The following UGGT2 variants were observed in gnomAD, a reference collection of about 807,000 sequenced individuals.
UGGT2 encodes the protein UDP-glucose glycoprotein glucosyltransferase 2.
Under a neutral mutation model 192.1 loss-of-function variants are expected in UGGT2, and 180 were observed. The observed-to-expected ratio is 0.94, with a 90% CI of 0.83 to 1.06. UGGT2 has a LOEUF of 1.06. Among genes scored for constraint, UGGT2 ranks in the 50% least tolerant of loss-of-function variants. The pLI is 0.00. For missense variants in UGGT2, 1,849 were observed against 1,795.7 expected (o/e 1.03, Z -0.54); for synonymous variants, 580 against 591.0 (o/e 0.98, Z 0.27).
At chr13:95,971,881 A>G (rs1305695742) in intron 11 of UGGT2, among the ~76,000 whole-genome samples, 1 of 152,228 alleles carries the variant, frequency 6.6e-6, no homozygotes, top group Non-Finnish European at 1.5e-5. Flanking sequence ...AAGAATTTAA[A>G]TAAACAATTC....
At chr13:95,930,397 T>A (rs1466166097) in intron 17 of UGGT2, among the ~76,000 whole-genome samples, 1 of 150,648 alleles carries the variant, frequency 6.6e-6, no homozygotes, top group Non-Finnish European at 1.5e-5. Context: ...CTTATAGTTT[T>A]AAGTCTTATA....
At chr13:95,856,760 C>A in intron 33 of UGGT2, 1 of 319,586 alleles carries the variant, frequency 3.1e-6, no homozygotes, top group South Asian at 2.7e-5. Flanking sequence ...AGAGAGGATA[C>A]AAAAAACACA....
At chr13:95,802,316 G>A (rs1272840950) in intron 38 of UGGT2, among the ~76,000 whole-genome samples, 2 of 152,082 alleles carry the variant, frequency 1.3e-5, no homozygotes, top group Non-Finnish European at 2.9e-5. Flanking sequence ...AGAACAAAAT[G>A]GTCTCTTCTG....
chr13:95,917,048 C>G (rs1430992110), intron 20 of UGGT2, among the ~76,000 whole-genome samples: 1 of 152,018 alleles, frequency 6.6e-6, no homozygotes, highest in African/African-American at 2.4e-5. Flanking sequence ...ATGTGGAGAA[C>G]CCCAGTAAGA....
At chr13:95,860,766 T>G (rs758661915) in intron 32 of UGGT2, 22 bp downstream of exon 32, 1 of 1,382,064 alleles carries the variant, frequency 7.2e-7, no homozygotes, top group East Asian at 2.6e-5. Flanking sequence ...TTTCAAAATA[T>G]AAGGTTAAAA....
At chr13:95,991,522 CTTATAG>C in intron 7 of UGGT2, 1 of 446,138 alleles carries the variant, frequency 2.2e-6, no homozygotes. Context: ...ATATGGTAAT[CTTATAG>C]TTACGAATAA....
intron 38 of UGGT2, among the ~76,000 whole-genome samples, chr13:95,809,889 T>C (rs1422379018): frequency 1.3e-5 from 2 of 152,268 alleles, no homozygotes; most frequent in Non-Finnish European, 2.9e-5. Flanking sequence ...TTGAATTATA[T>C]TAGTCTACAG....
At chr13:95,875,894 AG>A (rs1279109261) in intron 29 of UGGT2, among the ~76,000 whole-genome samples, 2 of 152,226 alleles carry the variant, frequency 1.3e-5, no homozygotes, top group African/African-American at 4.8e-5. Context: ...GTATAATAAA[AG>A]GTGCTCAGTA....
At position 95,972,633 on chromosome 13, in the gene UGGT2, A is replaced by G; in HGVS notation, c.1131T>C (p.Ala377=). The part of the protein sequence containing the change: ...QVRFKIQPGD[A]RLFINGLRVD... The stretch of plus-strand genomic sequence containing the variant: ...CACGAAGGCCATTTATAAATAGACG[A>G]GCATCGCCTGGCTGAATTTTAAATC... Residue 377 remains alanine, a synonymous_variant, in exon 11 of 39, where the codon GCT becomes GCC. Coordinates refer to ENST00000376747, the MANE Select transcript of UGGT2 (RefSeq NM_020121.4). The G allele has an allele frequency of 6.2e-7, 1 of 1,613,870 alleles. No individual in the cohort carries two copies. Among genetic ancestry groups the G allele is most frequent in the South Asian group, 1.1e-5 (1 of 91,066 alleles).
At chr13:95,827,725 A>G (rs1183212691) in intron 38 of UGGT2, among the ~76,000 whole-genome samples, 3 of 151,974 alleles carry the variant, frequency 2.0e-5, no homozygotes, top group Admixed American at 1.3e-4. Context: ...ATGGTTAACT[A>G]TTAGTCAGGC....
At chr13:95,906,184 AC>A (rs1053364261) in intron 20 of UGGT2, among the ~76,000 whole-genome samples, 2 of 152,204 alleles carry the variant, frequency 1.3e-5, no homozygotes, top group African/African-American at 4.8e-5. Context: ...GACAATTTCC[AC>A]AAAAATTTCC....
At chr13:95,869,302 G>C (rs965297329) in intron 29 of UGGT2, among the ~76,000 whole-genome samples, 2 of 151,988 alleles carry the variant, frequency 1.3e-5, no homozygotes, top group African/African-American at 2.4e-5. Flanking sequence ...GGACATTTGG[G>C]TTGGTTCCAA....
chr13:95,930,916 C>A (rs987583268), intron 17 of UGGT2, among the ~76,000 whole-genome samples: 3 of 152,090 alleles, frequency 2.0e-5, no homozygotes, highest in African/African-American at 7.2e-5. Context: ...AAAGGCAGCA[C>A]GGACCCAAAG....
rs549994170 is a variant in UGGT2, at chr13:95,991,530, T to TA, written c.831-1458dup. ...TACATAAATATGGTAATCTTATAGT[T>TA]ACGAATAAATATATATAGTACAGTG... On this transcript the variant is annotated intron_variant, in intron 7 of 38. Coordinates refer to ENST00000376747, the MANE Select transcript of UGGT2 (RefSeq NM_020121.4). The TA allele has an allele frequency of 2.3e-3, 1,003 of 443,534 alleles. 6 individuals carry two copies. Among genetic ancestry groups the TA allele is most frequent in the Non-Finnish European group, 3.3e-3 (731 of 221,458 alleles). The allele number at this position is 443,534 out of a possible 1,614,324, so 27.5% of individuals were successfully genotyped here. A position where few individuals can be genotyped will look rare whatever the true frequency, so the allele number is the denominator to read the frequency against.
intron 2 of UGGT2, among the ~76,000 whole-genome samples, chr13:96,026,206 A>G (rs993865719): frequency 2.0e-5 from 3 of 152,202 alleles, no homozygotes; most frequent in Non-Finnish European, 4.4e-5. Flanking sequence ...CTGGGGCTCT[A>G]AAGTTAAAAA....
rs775421146 is a variant in UGGT2 at position 95,927,044 on chromosome 13, A to C, written c.2184T>G (p.Tyr728Ter). The C allele has an allele frequency of 6.2e-7, 1 of 1,606,888 alleles. No individual in the cohort carries two copies. ...DKSAVIAKNM[Y>*]YLTQDDESII... is the part of the protein sequence containing the mutation. ...GCTTATTACCGTCTTGGGTTAAATA[A>C]TACATGTTCTTTGCAATTACAGCAC... Residue 728 changes from tyrosine (Y) to a stop codon, truncating the protein, a stop_gained, in exon 19 of 39, where the codon TAT becomes TAG. Coordinates refer to ENST00000376747, the MANE Select transcript of UGGT2 (RefSeq NM_020121.4). LOFTEE classifies it high-confidence loss of function.
intron 20 of UGGT2, among the ~76,000 whole-genome samples, chr13:95,919,378 C>A (rs1218811939): frequency 6.6e-6 from 1 of 152,000 alleles, no homozygotes; most frequent in Admixed American, 6.5e-5. Flanking sequence ...GGTAATCAGG[C>A]GCAAGAAAGA....
chr13:95,926,942 T>C (rs2049032891), intron 19 of UGGT2, 86 bp downstream of exon 19: 1 of 1,249,070 alleles, frequency 8.0e-7, no homozygotes. Context: ...AATAGCAACA[T>C]ATTAAAATTT....
chr13:95,913,249 A>G (rs1396007257), intron 20 of UGGT2, among the ~76,000 whole-genome samples: 1 of 152,238 alleles, frequency 6.6e-6, no homozygotes, highest in Non-Finnish European at 1.5e-5. Context: ...GGATCTAATT[A>G]AACTAAAGAG....
Sources: gnomAD v4.1 joint callset for allele counts (sites outside exome capture counted in the v4.1 genomes callset) on GRCh38, gnomAD v4.1.1 for gene constraint, MANE v1.5 for transcripts, NCBI Gene and HGNC (gene_info 2026-07-23, HGNC 2026-07-21) for gene names.